SLC39A12: variants seen among roughly 807,000 people sequenced by gnomAD.
SLC39A12 encodes zinc transporter ZIP12.
In SLC39A12, 63 loss-of-function variants were observed where a neutral mutation model predicts 71.1. That is an observed-to-expected ratio of 0.89 (90% CI 0.72 to 1.09). The LOEUF is 1.09. SLC39A12 is among the 50% of genes least tolerant of loss of function. The pLI, the probability that SLC39A12 is intolerant of heterozygous loss-of-function variation, is 0.00. For missense variants in SLC39A12, 892 were observed against 812.6 expected, an observed-to-expected ratio of 1.10 and a Z score of -1.19; for synonymous variants, 351 against 301.3, an observed-to-expected ratio of 1.16 and a Z score of -1.71.
At chr10:17,998,721 C>T (rs1004305522) in intron 10 of SLC39A12, among the ~76,000 whole-genome samples, 1 of 152,146 alleles carries the variant, frequency 6.6e-6, no homozygotes, top group Non-Finnish European at 1.5e-5. Context: ...ATCTTTGAAA[C>T]ACAGTAAATG....
intron 2 of SLC39A12, among the ~76,000 whole-genome samples, chr10:17,960,880 A>AAT: frequency 6.6e-6 from 1 of 152,360 alleles, no homozygotes. Context: ...ACATGGTAAA[A>AAT]TAATTTAATC....
At chr10:17,957,991 A>G (rs1404479253) in intron 2 of SLC39A12, among the ~76,000 whole-genome samples, 1 of 152,232 alleles carries the variant, frequency 6.6e-6, no homozygotes. Flanking sequence ...CTGTTCCGAC[A>G]AAAGAAGATG....
intron 2 of SLC39A12, 147 bp from the exon 3 acceptor site, chr10:17,961,434 A>G (rs1026106068): frequency 2.4e-5 from 17 of 715,590 alleles, no homozygotes; most frequent in Non-Finnish European, 3.6e-5. Flanking sequence ...CGGGAGTCCA[A>G]CTCTCTGAAT....
intron 7 of SLC39A12, among the ~76,000 whole-genome samples, chr10:17,989,947 A>C (rs1286929131): frequency 6.6e-6 from 1 of 151,896 alleles, no homozygotes; most frequent in African/African-American, 2.4e-5. Context: ...AAGTTGTTGG[A>C]AAGAGGAAGA....
intron 3 of SLC39A12, among the ~76,000 whole-genome samples, chr10:17,963,265 TACA>T (rs1834737746): frequency 1.3e-5 from 2 of 152,214 alleles, no homozygotes; most frequent in African/African-American, 4.8e-5. Context: ...ATTTCTTCAG[TACA>T]ACATCTGTGT....
intron 3 of SLC39A12, among the ~76,000 whole-genome samples, chr10:17,963,864 A>G (rs1480882941): frequency 6.6e-6 from 1 of 152,196 alleles, no homozygotes; most frequent in East Asian, 1.9e-4. Flanking sequence ...AAGAGAATCA[A>G]CTTGATACCC....
rs781945465 is a variant in SLC39A12, at chr10:17,961,561, G to C, written c.262-20G>C. The C allele has an allele frequency of 6.3e-7, 1 of 1,589,604 alleles. No homozygotes were observed. Among genetic ancestry groups the C allele is most frequent in the South Asian group, 1.2e-5 (1 of 85,886 alleles). On this transcript the variant is annotated intron_variant, in intron 2 of 12. Transcript: ENST00000377369. ...GCTAAGCTTTGTTTCTTTTGTTGTT[G>C]TTATTGTTTTCTTCCACAGTGCTTT...
chr10:18,008,740 T>A (rs1836110449), intron 12 of SLC39A12: 1 of 152,208 alleles, frequency 6.6e-6, no homozygotes, highest in Admixed American at 6.5e-5. Context: ...TAGCAATACC[T>A]ATCTATCAAT....
rs781501644 is a variant in SLC39A12, at chr10:17,981,448, A to T, written c.1061A>T (p.Asp354Val). The change falls in exon 6 of 13, where the codon GAC becomes GTC. Residue 354 changes from aspartate (D) to valine (V), a missense_variant. Asp to Val is a radical substitution (Grantham distance 152, BLOSUM62 -3). Transcript: ENST00000377369. ...AGCTGCTCCTGCCACTTACCCAAGG[A>T]CCAACAAGCAAAGCTGCCACCTACC... ...LLSCSCHLPK[D>V]QQAKLPPTTL... is the part of the protein sequence containing the mutation. The T allele has an allele frequency of 6.2e-7, 1 of 1,613,686 alleles. No homozygotes were observed. Among genetic ancestry groups the T allele is most frequent in the East Asian group, 2.2e-5 (1 of 44,862 alleles).
At chr10:18,024,338 C>T (rs909748971) in intron 12 of SLC39A12, among the ~76,000 whole-genome samples, 4 of 152,100 alleles carry the variant, frequency 2.6e-5, no homozygotes, top group Non-Finnish European at 5.9e-5. Flanking sequence ...CCATGTAGCT[C>T]TCCATGTCAG....
chr10:18,008,970 A>G (rs1160387920), intron 12 of SLC39A12, among the ~76,000 whole-genome samples: 1 of 152,190 alleles, frequency 6.6e-6, no homozygotes, highest in Non-Finnish European at 1.5e-5. Flanking sequence ...AAATAGAAAA[A>G]AAAGCCCTCA....
At chr10:18,024,331 T>A (rs73607880) in intron 12 of SLC39A12, among the ~76,000 whole-genome samples, 2,467 of 152,168 alleles carry the variant, frequency 0.016, 74 homozygotes, top group African/African-American at 0.056. Context: ...CCTGACTCCA[T>A]GTAGCTCTCC....
chr10:18,020,854 T>C (rs181135489), intron 12 of SLC39A12, among the ~76,000 whole-genome samples: 245 of 152,290 alleles, frequency 1.6e-3, no homozygotes, highest in Middle Eastern at 3.4e-3. Flanking sequence ...AAGTTTCTTA[T>C]AGATTTTGGA....
At chr10:18,001,719 A>G (rs1470622196) in intron 11 of SLC39A12, 1 of 152,140 alleles carries the variant, frequency 6.6e-6, no homozygotes, top group Non-Finnish European at 1.5e-5. Context: ...GTATGTATTA[A>G]TGGAGTACAT....
chr10:17,987,487 TACAGC>T lies in SLC39A12; in HGVS notation c.1108_1112del (p.Ser370GlyfsTer21). On this transcript the variant is annotated frameshift_variant, in exon 7 of 13. Coordinates refer to ENST00000377369, the MANE Select transcript of SLC39A12 (RefSeq NM_001145195.2). LOFTEE classifies it high-confidence loss of function. ...GATCTCCTTTGACTTAGAATACGGCTACAGCACGGTGGCTGTCACCCTTCTCACAC... is the reference window on the plus strand; with the variant it reads ...GATCTCCTTTGACTTAGAATACGGCTACGGTGGCTGTCACCCTTCTCACAC... 6.2e-7 allele frequency: 1 copy of T among 1,613,888 alleles called. No individual in the cohort carries two copies. The highest frequency in any genetic ancestry group is 8.5e-7 in the Non-Finnish European group (1 of 1,179,924).
At chr10:17,983,709 G>C (rs1219592900) in intron 6 of SLC39A12, among the ~76,000 whole-genome samples, 1 of 151,976 alleles carries the variant, frequency 6.6e-6, no homozygotes, top group Non-Finnish European at 1.5e-5. Flanking sequence ...TTGAACCCGG[G>C]AGGTGGAGGT....
intron 4 of SLC39A12, among the ~76,000 whole-genome samples, chr10:17,977,472 A>C (rs1254696381): frequency 6.6e-6 from 1 of 152,202 alleles, no homozygotes; most frequent in Non-Finnish European, 1.5e-5. Context: ...ACTGAGGGAA[A>C]CTAATCTGTG....
intron 4 of SLC39A12, among the ~76,000 whole-genome samples, chr10:17,968,595 A>C (rs1423781012): frequency 6.6e-6 from 1 of 152,058 alleles, no homozygotes; most frequent in Non-Finnish European, 1.5e-5. Context: ...TTAAACCTTC[A>C]ATCTGAAGGA....
At chr10:17,992,764 A>T (rs1835586301) in intron 8 of SLC39A12, among the ~76,000 whole-genome samples, 1 of 152,182 alleles carries the variant, frequency 6.6e-6, no homozygotes, top group South Asian at 2.1e-4. Flanking sequence ...TAAGAGCATA[A>T]TTCCAAGATT....
Sources: allele counts gnomAD v4.1 joint callset (sites outside exome capture counted in the v4.1 genomes callset), GRCh38; gene constraint gnomAD v4.1.1; transcripts MANE v1.5; gene names NCBI Gene and HGNC (gene_info 2026-07-23, HGNC 2026-07-21).